The following STK31 variants were observed in gnomAD, a reference collection of about 807,000 sequenced individuals.
STK31 encodes serine/threonine-protein kinase 31.
Under a neutral mutation model 129.7 loss-of-function variants are expected in STK31, and 89 were observed. The ratio of observed to expected loss-of-function variants is 0.69; its 90% CI spans 0.58 to 0.82. The LOEUF (loss-of-function observed/expected upper bound fraction) is 0.82, where lower values mean the gene tolerates loss of function less well. Among genes scored for constraint, STK31 ranks in the 40% least tolerant of loss-of-function variants. The pLI, the probability that STK31 is intolerant of heterozygous loss-of-function variation, is 0.00. For synonymous variants in STK31, 448 were observed against 395.3 expected (o/e 1.13, Z -1.58); for missense variants, 1,187 against 1,176.4 (o/e 1.01, Z -0.13).
At position 23,737,085 on chromosome 7, in the gene STK31, T is replaced by TCAG. The variant is rs1272264261; in HGVS notation, c.1017+8_1017+10dup. The stretch of plus-strand genomic sequence containing the variant: ...GATTGCCCAGGAGCTGCAGGTATGT[T>TCAG]CAGTGGCTTAAGGTGAAGAGTGTCC... On this transcript the variant is annotated splice_region_variant and intron_variant, in intron 8 of 23. Transcript: ENST00000355870. The TCAG allele has an allele frequency of 6.3e-7, 1 of 1,595,112 alleles. No individual in the cohort carries two copies. The highest frequency in any genetic ancestry group is 8.5e-7 in the Non-Finnish European group (1 of 1,175,360).
chr7:23,784,932 A>G (rs1791171452), intron 17 of STK31, among the ~76,000 whole-genome samples: 1 of 152,134 alleles, frequency 6.6e-6, no homozygotes, highest in Non-Finnish European at 1.5e-5. Flanking sequence ...AATCTTTCCC[A>G]TTTGATACCT....
chr7:23,784,087 T>TGTTGA (rs1167573228), intron 17 of STK31, among the ~76,000 whole-genome samples: 1 of 152,030 alleles, frequency 6.6e-6, no homozygotes, highest in African/African-American at 2.4e-5. Context: ...AAGGTAGAGA[T>TGTTGA]GTTGAGGTGG....
chr7:23,737,160 T>G (rs1226666263), intron 8 of STK31, 82 bp downstream of exon 8: 15 of 1,247,372 alleles, frequency 1.2e-5, no homozygotes, highest in Non-Finnish European at 1.6e-5. Context: ...TTCTGTCACT[T>G]TCCTTTCCTT....
chr7:23,804,027 C>A (rs1170442203), intron 22 of STK31, among the ~76,000 whole-genome samples: 1 of 152,088 alleles, frequency 6.6e-6, no homozygotes, highest in African/African-American at 2.4e-5. Context: ...AGGAGTACTG[C>A]TGTGAAGAAG....
chr7:23,762,593 T>G (rs1261851514), intron 10 of STK31, among the ~76,000 whole-genome samples: 1 of 151,718 alleles, frequency 6.6e-6, no homozygotes, highest in Non-Finnish European at 1.5e-5. Context: ...AAAAATTAGA[T>G]CAGAGTTGTT....
At chr7:23,750,076 G>GCCCCCCCC (rs1236953827) in intron 8 of STK31, among the ~76,000 whole-genome samples, 1 of 104,162 alleles carries the variant, frequency 9.6e-6, no homozygotes, top group Non-Finnish European at 2.0e-5. Flanking sequence ...TTCCCCCCCC[G>GCCCCCCCC]CCACTGCTGG....
intron 6 of STK31, among the ~76,000 whole-genome samples, chr7:23,729,503 C>T (rs776969477): frequency 1.4e-5 from 2 of 146,484 alleles, no homozygotes; most frequent in Non-Finnish European, 3.0e-5. Flanking sequence ...AAAGGATAGT[C>T]TCTTTTTGTT....
intron 20 of STK31, 124 bp downstream of exon 20, chr7:23,787,048 C>A: frequency 1.2e-6 from 1 of 837,874 alleles, no homozygotes; most frequent in Non-Finnish European, 1.9e-6. Flanking sequence ...TTCTATTTGT[C>A]ACCTCAAGCC....
chr7:23,720,958 A>G (rs115704697), intron 4 of STK31, among the ~76,000 whole-genome samples: 29 of 152,342 alleles, frequency 1.9e-4, no homozygotes, highest in African/African-American at 6.7e-4. Context: ...ATCACATTAT[A>G]TAAGCTTGAT....
At position 23,729,243 on chromosome 7, in the gene STK31, T is replaced by G; in HGVS notation, c.477T>G (p.Phe159Leu). ...HIPSDQEVTQ[F>L]DQGTTFLGSL... ...CTTCTGATCAAGAAGTTACCCAGTT[T>G]GATCAGGCAAGTCACGTATTTTAAA... Residue 159 changes from phenylalanine to leucine, a missense_variant, in exon 6 of 24, where the codon TTT (phenylalanine) becomes TTG (leucine). Phe to Leu is a conservative substitution (Grantham distance 22, BLOSUM62 0). Transcript: ENST00000355870. 1 of 1,591,578 alleles carries G rather than the reference T, an allele frequency of 6.3e-7. No individual in the cohort carries two copies. Among genetic ancestry groups the G allele is most frequent in the Non-Finnish European group, 8.5e-7 (1 of 1,172,886 alleles).
At chr7:23,822,548 C>G (rs1230703118) in intron 23 of STK31, among the ~76,000 whole-genome samples, 1 of 152,056 alleles carries the variant, frequency 6.6e-6, no homozygotes, top group African/African-American at 2.4e-5. Context: ...TTAGGTTTTT[C>G]TAGATAGAAG....
intron 22 of STK31, among the ~76,000 whole-genome samples, chr7:23,792,338 GA>G (rs1271162458): frequency 6.6e-6 from 1 of 152,070 alleles, no homozygotes; most frequent in African/African-American, 2.4e-5. Context: ...CAAATAATAG[GA>G]AATTAAAATT....
At position 23,735,843 on chromosome 7, in the gene STK31, G is replaced by A. The variant is rs781000862; in HGVS notation, c.789G>A (p.Met263Ile). Residue 263 changes from methionine (M) to isoleucine (I), a missense_variant, in exon 7 of 24, where the codon ATG (methionine) becomes ATA (isoleucine). Physicochemically the swap from Met to Ile is conservative, Grantham distance 10. Transcript: ENST00000355870. Reference sequence around the variant, plus strand: ...CCAAGGGGCACTTAAGTGAGAAAATGACTCTTGACTTGAAGGATGAAAATG... The same window carrying A: ...CCAAGGGGCACTTAAGTGAGAAAATAACTCTTGACTTGAAGGATGAAAATG... ...SRPKGHLSEK[M>I]TLDLKDENDA... 6.2e-7 allele frequency: 1 copy of A among 1,601,774 alleles called. No homozygotes were observed. Among genetic ancestry groups the A allele is most frequent in the South Asian group, 1.1e-5 (1 of 89,554 alleles).
At chr7:23,727,850 G>A (rs1244947883) in intron 5 of STK31, among the ~76,000 whole-genome samples, 1 of 151,856 alleles carries the variant, frequency 6.6e-6, no homozygotes, top group East Asian at 1.9e-4. Context: ...GTGAGCCACT[G>A]TGCCCAGCCT....
At chr7:23,741,889 C>T (rs971789572) in intron 8 of STK31, among the ~76,000 whole-genome samples, 1 of 152,200 alleles carries the variant, frequency 6.6e-6, no homozygotes, top group Non-Finnish European at 1.5e-5. Flanking sequence ...CAGCTGCAGT[C>T]ATGTCAGCCT....
intron 10 of STK31, chr7:23,754,941 A>G (rs1241338005): frequency 6.4e-6 from 1 of 155,510 alleles, no homozygotes; most frequent in Admixed American, 6.4e-5. Context: ...GCCATTGTGA[A>G]CAGTGCTGCA....
chr7:23,800,808 C>CTTTGTG (rs1380935700), intron 22 of STK31, among the ~76,000 whole-genome samples: 3 of 150,916 alleles, frequency 2.0e-5, no homozygotes, highest in Non-Finnish European at 4.4e-5. Context: ...TGGTATCATA[C>CTTTGTG]AGTATATAAT....
intron 8 of STK31, among the ~76,000 whole-genome samples, chr7:23,749,038 T>G (rs1485320249): frequency 6.6e-6 from 1 of 152,234 alleles, no homozygotes; most frequent in East Asian, 1.9e-4. Flanking sequence ...GCTAGATCTG[T>G]CCACCTCTGA....
At chr7:23,814,097 C>T (rs1267953148) in intron 22 of STK31, among the ~76,000 whole-genome samples, 3 of 140,300 alleles carry the variant, frequency 2.1e-5, no homozygotes, top group Non-Finnish European at 4.5e-5. Flanking sequence ...TCTACCTGGG[C>T]TGCTTTCTGT....
Sources: gnomAD v4.1 joint callset for allele counts (sites outside exome capture counted in the v4.1 genomes callset) on GRCh38, gnomAD v4.1.1 for gene constraint, MANE v1.5 for transcripts, NCBI Gene and HGNC (gene_info 2026-07-23, HGNC 2026-07-21) for gene names.